Variants in MAF observed in about 807,000 individuals in gnomAD.
The protein encoded by MAF is transcription factor Maf.
In MAF, 10 loss-of-function variants were observed where a neutral mutation model predicts 22.0. The observed-to-expected ratio is 0.45, with a 90% confidence interval of 0.28 to 0.77. The LOEUF is 0.77. Ranked by LOEUF, MAF falls within the 30% of genes least tolerant of loss-of-function variation. The probability of loss-of-function intolerance (pLI) is 0.12; values close to 1 mark genes in which losing one functional copy is unlikely to be tolerated. For missense variants in MAF, 544 were observed against 548.4 expected, an observed-to-expected ratio of 0.99 and a Z score of 0.08; for synonymous variants, 337 against 255.8, an observed-to-expected ratio of 1.32 and a Z score of -3.03.
At chr16:79,441,693 G>C in the MAF span, among the ~76,000 whole-genome samples, 9 of 152,338 alleles carry the variant, frequency 5.9e-5, no homozygotes, top group African/African-American at 2.2e-4. Context: ...TTTGCTGATA[G>C]AAGAGGAACA....
downstream of MAF, among the ~76,000 whole-genome samples, chr16:79,589,896 C>G (rs1334189146): frequency 6.6e-6 from 1 of 152,180 alleles, no homozygotes; most frequent in Non-Finnish European, 1.5e-5. Flanking sequence ...CTCCGAGGGG[C>G]GCTGCGTTGC....
the MAF span, among the ~76,000 whole-genome samples, chr16:79,456,006 A>G: frequency 7.9e-5 from 12 of 152,324 alleles, no homozygotes; most frequent in South Asian, 2.5e-3. Context: ...TGACACAGCA[A>G]GACTCTCTCA....
chr16:79,462,439 C>T, the MAF span, among the ~76,000 whole-genome samples: 16 of 152,128 alleles, frequency 1.1e-4, no homozygotes, highest in East Asian at 2.9e-3. Context: ...AAGTGCTCCC[C>T]ATTGCTCTGA....
At chr16:79,304,182 C>G in the MAF span, among the ~76,000 whole-genome samples, 9 of 152,280 alleles carry the variant, frequency 5.9e-5, no homozygotes, top group South Asian at 1.5e-3. Flanking sequence ...CACTGGGGAG[C>G]AATCCATTTG....
the MAF span, among the ~76,000 whole-genome samples, chr16:79,323,223 G>A: frequency 4.0e-5 from 4 of 100,018 alleles, no homozygotes; most frequent in Admixed American, 1.3e-4. Flanking sequence ...GAGTTCAACA[G>A]AAAAGTCAGT....
the MAF span, among the ~76,000 whole-genome samples, chr16:79,239,205 C>G: frequency 6.6e-6 from 1 of 151,990 alleles, no homozygotes; most frequent in African/African-American, 2.4e-5. Flanking sequence ...CTGTTGCTTC[C>G]CAAATTCTGC....
the MAF span, among the ~76,000 whole-genome samples, chr16:79,553,350 C>A: frequency 6.6e-6 from 1 of 152,230 alleles, no homozygotes. Context: ...TCTCTCTGGA[C>A]CCCTGGCCCA....
the MAF span, among the ~76,000 whole-genome samples, chr16:79,491,949 C>G: frequency 4.6e-5 from 7 of 152,298 alleles, no homozygotes; most frequent in Admixed American, 3.3e-4. Flanking sequence ...TCTCCCACTT[C>G]TTTTCTACGT....
At chr16:79,512,809 T>G in the MAF span, among the ~76,000 whole-genome samples, 122 of 152,272 alleles carry the variant, frequency 8.0e-4, no homozygotes, top group Non-Finnish European at 1.6e-3. Context: ...TAAGGATGGA[T>G]GTAGGTGTGT....
At chr16:79,514,280 A>T in the MAF span, among the ~76,000 whole-genome samples, 1 of 152,242 alleles carries the variant, frequency 6.6e-6, no homozygotes, top group Non-Finnish European at 1.5e-5. Flanking sequence ...ATTACCTATC[A>T]TTCAAATGTG....
chr16:79,260,643 G>A, the MAF span, among the ~76,000 whole-genome samples: 2 of 152,196 alleles, frequency 1.3e-5, no homozygotes, highest in Admixed American at 6.5e-5. Flanking sequence ...GTGAATAAGT[G>A]CTGCCGATCT....
chr16:79,541,509 C>G, the MAF span, among the ~76,000 whole-genome samples: 1 of 152,002 alleles, frequency 6.6e-6, no homozygotes, highest in African/African-American at 2.4e-5. Context: ...TGCTGCTACA[C>G]AGGAGCTGTT....
chr16:79,461,369 A>C, the MAF span, among the ~76,000 whole-genome samples: 1 of 152,152 alleles, frequency 6.6e-6, no homozygotes, highest in Non-Finnish European at 1.5e-5. Context: ...TCTCTACGGC[A>C]GCTCTCCTCC....
the MAF span, among the ~76,000 whole-genome samples, chr16:79,450,079 T>G: frequency 6.6e-6 from 1 of 152,228 alleles, no homozygotes; most frequent in Non-Finnish European, 1.5e-5. Flanking sequence ...ATTCCCTTAT[T>G]ATTAAGCAAT....
chr16:79,215,562 G>C, the MAF span, among the ~76,000 whole-genome samples: 7 of 152,262 alleles, frequency 4.6e-5, no homozygotes, highest in South Asian at 1.5e-3. Flanking sequence ...GCCGTGTCTA[G>C]GGCCTCTATG....
the MAF span, among the ~76,000 whole-genome samples, chr16:79,491,589 G>A: frequency 3.3e-5 from 5 of 151,958 alleles, no homozygotes; most frequent in Admixed American, 2.0e-4. Flanking sequence ...GCCTCCCGGT[G>A]GTAAATAAGC....
At chr16:79,514,762 T>C in the MAF span, among the ~76,000 whole-genome samples, 13,036 of 152,234 alleles carry the variant, frequency 0.086, 1,676 homozygotes, top group African/African-American at 0.28. Flanking sequence ...GACTCCATTG[T>C]TTTCTGGATG....
the MAF span, among the ~76,000 whole-genome samples, chr16:79,235,623 C>A: frequency 6.6e-6 from 1 of 151,978 alleles, no homozygotes. Context: ...CATCCAGGTG[C>A]TTCTCATATG....
At chr16:79,532,144 T>C in the MAF span, among the ~76,000 whole-genome samples, 81,445 of 152,066 alleles carry the variant, frequency 0.54, 23,392 homozygotes, top group Non-Finnish European at 0.65. Context: ...ACTGGGCATC[T>C]TGTGACTTTA....
Sources: gnomAD v4.1 joint callset for allele counts (sites outside exome capture counted in the v4.1 genomes callset) on GRCh38, gnomAD v4.1.1 for gene constraint, MANE v1.5 for transcripts, NCBI Gene and HGNC (gene_info 2026-07-23, HGNC 2026-07-21) for gene names.